The following WWOX variants were observed in gnomAD, a reference collection of about 807,000 sequenced individuals.
WWOX encodes the protein WW domain-containing oxidoreductase.
In WWOX, 69 loss-of-function variants were observed where a neutral mutation model predicts 46.2. The observed-to-expected ratio is 1.49, with a 90% CI of 1.23 to 1.82. The LOEUF (loss-of-function observed/expected upper bound fraction) is 1.82, where lower values mean the gene tolerates loss of function less well. Ranked by LOEUF, WWOX falls within the 40% of genes most tolerant of loss-of-function variation. WWOX has a pLI of 0.00. For synonymous variants in WWOX, 359 were observed against 202.6 expected, an observed-to-expected ratio of 1.77 and a Z score of -6.56; for missense variants, 919 against 542.6, an observed-to-expected ratio of 1.69 and a Z score of -6.89.
At chr16:78,465,279 T>A (rs2084048043) in intron 8 of WWOX, among the ~76,000 whole-genome samples, 1 of 152,238 alleles carries the variant, frequency 6.6e-6, no homozygotes, top group African/African-American at 2.4e-5. Flanking sequence ...CATACTGATT[T>A]AGACTTAAAA....
At chr16:79,131,050 G>A (rs368719478) in intron 8 of WWOX, among the ~76,000 whole-genome samples, 87 of 152,314 alleles carry the variant, frequency 5.7e-4, no homozygotes, top group African/African-American at 1.9e-3. Context: ...ACAATGACCA[G>A]CAGGCTTCTC....
chr16:78,235,886 A>G (rs2151813040), intron 5 of WWOX, among the ~76,000 whole-genome samples: 1 of 152,330 alleles, frequency 6.6e-6, no homozygotes, highest in Middle Eastern at 3.4e-3. Flanking sequence ...GAGGGGCTGT[A>G]GCATAGCAGG....
intron 8 of WWOX, among the ~76,000 whole-genome samples, chr16:79,005,500 A>G (rs1188998258): frequency 3.3e-5 from 5 of 152,130 alleles, no homozygotes; most frequent in African/African-American, 1.2e-4. Flanking sequence ...CGGCAAGGCC[A>G]TCCTCTCTCT....
chr16:78,393,492 C>G (rs939594632), intron 6 of WWOX, among the ~76,000 whole-genome samples: 1 of 151,010 alleles, frequency 6.6e-6, no homozygotes, highest in South Asian at 2.1e-4. Flanking sequence ...GACGCTGTCT[C>G]TATATTACAA....
intron 5 of WWOX, among the ~76,000 whole-genome samples, chr16:78,174,795 C>G (rs1321719925): frequency 6.6e-6 from 1 of 152,030 alleles, no homozygotes; most frequent in South Asian, 2.1e-4. Flanking sequence ...GGCGACCAGC[C>G]TGGGCAATAC....
intron 8 of WWOX, among the ~76,000 whole-genome samples, chr16:78,949,701 A>C (rs993224439): frequency 1.3e-5 from 2 of 152,228 alleles, no homozygotes; most frequent in African/African-American, 4.8e-5. Context: ...TCTTTTGAGC[A>C]TCGTGCCATA....
chr16:78,919,059 AG>A (rs1199431282), intron 8 of WWOX, among the ~76,000 whole-genome samples: 1 of 152,126 alleles, frequency 6.6e-6, no homozygotes, highest in Non-Finnish European at 1.5e-5. Context: ...GCCGCTGCCA[AG>A]GGGGGCTGTT....
At chr16:78,419,475 G>A (rs901216642) in intron 6 of WWOX, among the ~76,000 whole-genome samples, 1 of 151,944 alleles carries the variant, frequency 6.6e-6, no homozygotes, top group Non-Finnish European at 1.5e-5. Flanking sequence ...GTCCAGAAAT[G>A]AATCCATGCA....
chr16:78,761,459 C>G (rs1355581438), intron 8 of WWOX, among the ~76,000 whole-genome samples: 1 of 152,122 alleles, frequency 6.6e-6, no homozygotes. Context: ...ACCATTGTCA[C>G]CGGGGAGAAA....
intron 5 of WWOX, among the ~76,000 whole-genome samples, chr16:78,233,289 T>G (rs1005472995): frequency 6.9e-6 from 1 of 144,864 alleles, no homozygotes; most frequent in South Asian, 2.2e-4. Context: ...AATAGCCACG[T>G]AGAGGACATT....
intron 8 of WWOX, among the ~76,000 whole-genome samples, chr16:78,659,387 A>G (rs1364100620): frequency 6.6e-6 from 1 of 152,084 alleles, no homozygotes; most frequent in African/African-American, 2.4e-5. Flanking sequence ...TCATCTGGGA[A>G]CTTGTTAGAT....
intron 8 of WWOX, among the ~76,000 whole-genome samples, chr16:78,918,172 G>A (rs1436204332): frequency 1.3e-5 from 2 of 152,186 alleles, no homozygotes; most frequent in Admixed American, 1.3e-4. Flanking sequence ...GCAGTGAGCT[G>A]TGATTGCACC....
At chr16:78,287,170 A>G (rs2079782595) in intron 5 of WWOX, among the ~76,000 whole-genome samples, 1 of 152,272 alleles carries the variant, frequency 6.6e-6, no homozygotes, top group Non-Finnish European at 1.5e-5. Context: ...GGACAATAAA[A>G]TAAAATACAT....
intron 8 of WWOX, among the ~76,000 whole-genome samples, chr16:78,524,484 G>T (rs1420516075): frequency 6.6e-6 from 1 of 152,012 alleles, no homozygotes; most frequent in African/African-American, 2.4e-5. Context: ...GCAGTGGCAT[G>T]ATCTCGGCTC....
At chr16:79,087,609 A>G (rs1361822691) in intron 8 of WWOX, among the ~76,000 whole-genome samples, 2 of 152,186 alleles carry the variant, frequency 1.3e-5, no homozygotes, top group African/African-American at 4.8e-5. Context: ...AGTTGACTTC[A>G]TATTGGAGGC....
intron 6 of WWOX, among the ~76,000 whole-genome samples, chr16:78,422,544 G>A (rs2082956766): frequency 6.7e-6 from 1 of 149,546 alleles, no homozygotes; most frequent in Non-Finnish European, 1.5e-5. Flanking sequence ...ATGGGGTCTT[G>A]CTGTGTTGCT....
At chr16:78,724,816 G>C (rs1216762699) in intron 8 of WWOX, among the ~76,000 whole-genome samples, 3 of 152,230 alleles carry the variant, frequency 2.0e-5, no homozygotes, top group East Asian at 3.9e-4. Context: ...TGTGTGTGTA[G>C]TTTTTCAGAC....
intron 8 of WWOX, among the ~76,000 whole-genome samples, chr16:78,567,800 C>G (rs970075185): frequency 2.6e-5 from 4 of 152,028 alleles, no homozygotes; most frequent in African/African-American, 9.7e-5. Context: ...ACCAGCAGAG[C>G]CTCCAGCCGG....
At chr16:79,176,055 C>T (rs1035197422) in intron 8 of WWOX, among the ~76,000 whole-genome samples, 2 of 152,200 alleles carry the variant, frequency 1.3e-5, no homozygotes, top group African/African-American at 4.8e-5. Flanking sequence ...CTAAGCTGCA[C>T]ATTAGAGCAG....
Sources: allele counts gnomAD v4.1 joint callset (sites outside exome capture counted in the v4.1 genomes callset), GRCh38; gene constraint gnomAD v4.1.1; transcripts MANE v1.5; gene names NCBI Gene and HGNC (gene_info 2026-07-23, HGNC 2026-07-21).